ZBTB20: variants seen among roughly 807,000 people sequenced by gnomAD.
ZBTB20 encodes the protein zinc finger and BTB domain-containing protein 20.
Under a neutral mutation model 56.9 loss-of-function variants are expected in ZBTB20, and 9 were observed. That is an observed-to-expected ratio of 0.16 (90% CI 0.10 to 0.28). ZBTB20 has a LOEUF of 0.28. ZBTB20 is among the 10% of genes least tolerant of loss of function. The pLI is 1.00. For missense variants in ZBTB20, 655 were observed against 1,003.0 expected (o/e 0.65, Z 4.69); for synonymous variants, 417 against 420.7 (o/e 0.99, Z 0.11).
At chr3:114,681,152 C>A (rs1055359806) in intron 6 of ZBTB20, among the ~76,000 whole-genome samples, 5 of 140,634 alleles carry the variant, frequency 3.6e-5, no homozygotes, top group African/African-American at 1.3e-4. Flanking sequence ...CATAACTGAG[C>A]GTATAATTTT....
intron 7 of ZBTB20, among the ~76,000 whole-genome samples, chr3:114,413,726 T>C (rs973713886): frequency 5.9e-5 from 9 of 152,140 alleles, no homozygotes; most frequent in African/African-American, 1.4e-4. Context: ...CTAAGCTGTA[T>C]TATGCCACTC....
intron 7 of ZBTB20, among the ~76,000 whole-genome samples, chr3:114,403,307 T>G (rs2086985546): frequency 6.6e-6 from 1 of 152,114 alleles, no homozygotes; most frequent in African/African-American, 2.4e-5. Context: ...AAAATATCAG[T>G]AAAACACCAA....
chr3:114,620,442 G>A (rs1177651975), intron 6 of ZBTB20, among the ~76,000 whole-genome samples: 4 of 151,944 alleles, frequency 2.6e-5, no homozygotes, highest in Non-Finnish European at 5.9e-5. Context: ...ACACGCATGC[G>A]CCACCATGCC....
intron 6 of ZBTB20, among the ~76,000 whole-genome samples, chr3:114,586,939 T>A (rs1442601271): frequency 1.3e-5 from 2 of 151,976 alleles, no homozygotes; most frequent in African/African-American, 4.8e-5. Flanking sequence ...AATTTTACAT[T>A]TTTGCCCATT....
At chr3:114,842,711 G>A (rs1170896974) in intron 4 of ZBTB20, among the ~76,000 whole-genome samples, 3 of 152,164 alleles carry the variant, frequency 2.0e-5, no homozygotes, top group Non-Finnish European at 1.5e-5. Flanking sequence ...GTTGCAAGGA[G>A]GAAAACTGAT....
At chr3:114,879,597 TAGTGTCTGTTCTTTCAG>T (rs1303779400) in intron 4 of ZBTB20, among the ~76,000 whole-genome samples, 1 of 152,196 alleles carries the variant, frequency 6.6e-6, no homozygotes, top group Admixed American at 6.5e-5. Flanking sequence ...CTGAGTGCTA[TAGTGTCTGTTCTTTCAG>T]AGATTGTCAG....
At chr3:114,627,071 T>C (rs1272505611) in intron 6 of ZBTB20, among the ~76,000 whole-genome samples, 1 of 152,188 alleles carries the variant, frequency 6.6e-6, no homozygotes, top group Non-Finnish European at 1.5e-5. Flanking sequence ...GGTCAAGCAT[T>C]ATCTTCTCTT....
intron 10 of ZBTB20, among the ~76,000 whole-genome samples, chr3:114,358,129 T>C (rs1367874197): frequency 6.6e-6 from 1 of 152,200 alleles, no homozygotes; most frequent in Non-Finnish European, 1.5e-5. Context: ...GATATTGTGG[T>C]ATAATTTGAA....
intron 6 of ZBTB20, among the ~76,000 whole-genome samples, chr3:114,579,501 C>A (rs1271503169): frequency 6.7e-6 from 1 of 149,186 alleles, no homozygotes; most frequent in African/African-American, 2.5e-5. Context: ...GGTAATAATT[C>A]AATTCAAGAA....
chr3:115,076,056 C>T (rs980520410), intron 1 of ZBTB20, among the ~76,000 whole-genome samples: 3 of 151,792 alleles, frequency 2.0e-5, no homozygotes, highest in Admixed American at 6.6e-5. Flanking sequence ...AATAGGAAGA[C>T]AATTAAGGAG....
intron 6 of ZBTB20, among the ~76,000 whole-genome samples, chr3:114,557,327 T>A (rs2051367200): frequency 6.6e-6 from 1 of 151,966 alleles, no homozygotes; most frequent in South Asian, 2.1e-4. Context: ...GAACCTGGGA[T>A]AACAGAAGGG....
intron 5 of ZBTB20, among the ~76,000 whole-genome samples, chr3:114,703,197 G>A (rs999848840): frequency 5.3e-5 from 8 of 152,178 alleles, no homozygotes; most frequent in East Asian, 1.9e-4. Context: ...TTATTGCTTC[G>A]CCCTTCCCTC....
intron 4 of ZBTB20, among the ~76,000 whole-genome samples, chr3:114,845,534 T>C (rs1447782432): frequency 6.6e-6 from 1 of 151,790 alleles, no homozygotes; most frequent in African/African-American, 2.4e-5. Context: ...ACTCAAGTGC[T>C]ATATGAACCC....
At chr3:114,884,755 T>TA (rs548039971) in intron 4 of ZBTB20, among the ~76,000 whole-genome samples, 360 of 151,432 alleles carry the variant, frequency 2.4e-3, no homozygotes, top group African/African-American at 7.6e-3. Context: ...ATGAGACTAA[T>TA]AAAAAAAAAT....
At position 114,351,230 on chromosome 3, in the gene ZBTB20, T is replaced by G; in HGVS notation, c.848A>C (p.Glu283Ala). The G allele has an allele frequency of 6.2e-7, 1 of 1,600,906 alleles. No homozygotes were observed. Among genetic ancestry groups the G allele is most frequent in the Middle Eastern group, 1.7e-4 (1 of 6,056 alleles). ...GATGCGTGTGATCCAGCTGGGGTCT[T>G]CCATGTGGTGGTCGCGGGGCAGGCC... ...ALGLPRDHHMEDPSWITRIHE... is the reference protein window; with the variant it reads ...ALGLPRDHHMADPSWITRIHE... Residue 283 changes from glutamate to alanine, a missense_variant, in exon 11 of 12, where the codon GAA (glutamate) becomes GCA (alanine). By Grantham distance (107) the Glu-to-Ala change is moderately radical (BLOSUM62 -1). Coordinates refer to ENST00000675478, the MANE Select transcript of ZBTB20 (RefSeq NM_001348800.3).
intron 4 of ZBTB20, among the ~76,000 whole-genome samples, 152 bp downstream of exon 4, chr3:114,900,152 G>A (rs2075050692): frequency 6.6e-6 from 1 of 151,906 alleles, no homozygotes; most frequent in Non-Finnish European, 1.5e-5. Flanking sequence ...TGTATAAAAT[G>A]TACTATCCTT....
intron 6 of ZBTB20, among the ~76,000 whole-genome samples, chr3:114,580,158 C>A (rs1173465027): frequency 6.6e-6 from 1 of 151,238 alleles, no homozygotes; most frequent in Non-Finnish European, 1.5e-5. Context: ...AAAAAATACA[C>A]CAAGAGCAAG....
At chr3:114,371,655 C>T (rs545416141) in intron 10 of ZBTB20, among the ~76,000 whole-genome samples, 40 of 152,310 alleles carry the variant, frequency 2.6e-4, no homozygotes, top group Admixed American at 2.4e-3. Context: ...GTTCAGAGAA[C>T]ATTAAGTTTG....
intron 6 of ZBTB20, among the ~76,000 whole-genome samples, chr3:114,574,894 T>C (rs2053842699): frequency 6.6e-6 from 1 of 152,214 alleles, no homozygotes; most frequent in South Asian, 2.1e-4. Context: ...TGTTGAATAA[T>C]TTAGGTTATT....
Sources: allele counts gnomAD v4.1 joint callset (sites outside exome capture counted in the v4.1 genomes callset), GRCh38; gene constraint gnomAD v4.1.1; transcripts MANE v1.5; gene names NCBI Gene and HGNC (gene_info 2026-07-23, HGNC 2026-07-21).